The following PDE11A variants were observed in gnomAD, a reference collection of about 807,000 sequenced individuals.
PDE11A encodes phosphodiesterase 11A.
PDE11A carries 100 observed loss-of-function variants against 100.5 expected under a neutral mutation model. That is an observed-to-expected ratio of 1.00 (90% CI 0.85 to 1.18). The LOEUF is 1.18. Ranked by LOEUF, PDE11A falls within the 50% of genes most tolerant of loss-of-function variation. PDE11A has a pLI of 0.00. For missense variants in PDE11A, 1,141 were observed against 1,152.6 expected, an observed-to-expected ratio of 0.99 and a Z score of 0.15; for synonymous variants, 381 against 420.8, an observed-to-expected ratio of 0.91 and a Z score of 1.16.
At position 177,860,734 on chromosome 2, in the gene PDE11A, C is replaced by G. The variant is rs537340750; in HGVS notation, c.1367+15125G>C. Reference sequence around the variant, plus strand: ...ATCCAGCAATATTTAAAAAGGTATGCACACCATGACTGAATGGCATTTATC... The same window carrying G: ...ATCCAGCAATATTTAAAAAGGTATGGACACCATGACTGAATGGCATTTATC... On this transcript the variant is annotated intron_variant, in intron 5 of 19. Coordinates refer to ENST00000286063, the MANE Select transcript of PDE11A (RefSeq NM_016953.4). Among the ~76,000 whole-genome samples, 14 of 151,746 alleles carry G rather than the reference C, an allele frequency of 9.2e-5. No individual in the cohort carries two copies. In the East Asian group the frequency reaches 1.7e-3, roughly 19 times the overall value.
chr2:178,058,591 C>G (rs1317212451), intron 1 of PDE11A, among the ~76,000 whole-genome samples: 1 of 152,162 alleles, frequency 6.6e-6, no homozygotes, highest in Admixed American at 6.5e-5. Context: ...TCGGGTATGT[C>G]TTTATCAGCA....
intron 13 of PDE11A, among the ~76,000 whole-genome samples, chr2:177,706,794 ACT>A (rs1041412277): frequency 5.5e-4 from 83 of 152,070 alleles, no homozygotes; most frequent in African/African-American, 1.8e-3. Flanking sequence ...ATGCAAAAAA[ACT>A]CTCTGAAATC....
chr2:177,844,546 T>A (rs13430954), intron 5 of PDE11A, among the ~76,000 whole-genome samples: 7,777 of 151,616 alleles, frequency 0.051, 322 homozygotes, highest in African/African-American at 0.12. Context: ...TTAATTAATT[T>A]ATTTATTTTT....
At chr2:177,725,060 G>C (rs552571294) in intron 12 of PDE11A, among the ~76,000 whole-genome samples, 31 of 152,138 alleles carry the variant, frequency 2.0e-4, no homozygotes, top group Non-Finnish European at 1.6e-4. Flanking sequence ...TCACTGATAA[G>C]ATCAAAACAT....
At chr2:178,041,561 C>T (rs1010759866) in intron 1 of PDE11A, among the ~76,000 whole-genome samples, 3 of 152,014 alleles carry the variant, frequency 2.0e-5, no homozygotes, top group African/African-American at 4.8e-5. Context: ...TTAAGAACCA[C>T]GTGACTTCTG....
chr2:178,039,416 A>G (rs112914348), intron 1 of PDE11A, among the ~76,000 whole-genome samples: 119 of 152,304 alleles, frequency 7.8e-4, no homozygotes, highest in African/African-American at 2.6e-3. Context: ...AGCAGAAAAA[A>G]TAAATATTGG....
intron 10 of PDE11A, among the ~76,000 whole-genome samples, chr2:177,754,917 A>G (rs1442795749): frequency 6.6e-6 from 1 of 152,238 alleles, no homozygotes; most frequent in Non-Finnish European, 1.5e-5. Context: ...TTTTACTATG[A>G]GTTTCAAATA....
chr2:177,721,468 A>G (rs935392096), intron 12 of PDE11A, among the ~76,000 whole-genome samples: 1 of 152,196 alleles, frequency 6.6e-6, no homozygotes, highest in Non-Finnish European at 1.5e-5. Context: ...CTAAATAATA[A>G]GACTTGAGAA....
chr2:177,892,790 C>G (rs568996707), intron 4 of PDE11A, among the ~76,000 whole-genome samples: 2 of 152,238 alleles, frequency 1.3e-5, no homozygotes, highest in Non-Finnish European at 2.9e-5. Flanking sequence ...CACAGCCCCT[C>G]CAGGACTAGG....
intron 12 of PDE11A, among the ~76,000 whole-genome samples, chr2:177,720,831 T>C (rs1288319039): frequency 1.3e-5 from 2 of 152,176 alleles, no homozygotes; most frequent in Non-Finnish European, 2.9e-5. Flanking sequence ...GGAAAAACCT[T>C]ACAGTCTATA....
intron 14 of PDE11A, among the ~76,000 whole-genome samples, chr2:177,699,772 C>A (rs1381751752): frequency 2.0e-5 from 3 of 152,192 alleles, no homozygotes; most frequent in African/African-American, 7.2e-5. Flanking sequence ...CCACAGGGGA[C>A]TGGAGGCAGT....
rs892808939 is a variant in PDE11A at position 177,626,857 on chromosome 2, T to C, written c.*2550A>G. The C allele has an allele frequency of 6.6e-6, 1 of 151,340 alleles. No individual in the cohort carries two copies. The highest frequency in any genetic ancestry group is 6.6e-5 in the Admixed American group (1 of 15,202). The allele number at this position is 151,340 out of a possible 1,614,324, so 9.4% of individuals were successfully genotyped here. On this transcript the variant is annotated 3_prime_UTR_variant, in exon 20 of 20. Transcript: ENST00000286063. The stretch of plus-strand genomic sequence containing the variant: ...CAGGGTTCTACACCTTCATTTTTTT[T>C]GGTTGGAAGTGCCATTTTTCTTTGT...
intron 10 of PDE11A, among the ~76,000 whole-genome samples, chr2:177,747,109 T>C (rs1302771712): frequency 6.6e-6 from 1 of 152,136 alleles, no homozygotes; most frequent in African/African-American, 2.4e-5. Flanking sequence ...AGCTTTATTG[T>C]GGTGGTGCAA....
chr2:177,837,213 G>T (rs1237724096), intron 6 of PDE11A, among the ~76,000 whole-genome samples: 1 of 152,146 alleles, frequency 6.6e-6, no homozygotes, highest in Non-Finnish European at 1.5e-5. Context: ...AGCCAATCTG[G>T]TATGCTTTGC....
chr2:177,791,476 A>G (rs1276518729), intron 9 of PDE11A, among the ~76,000 whole-genome samples: 1 of 151,196 alleles, frequency 6.6e-6, no homozygotes, highest in African/African-American at 2.4e-5. Context: ...AGCATGGCAC[A>G]TGTATACATA....
At chr2:177,815,701 T>C (rs1176298683) in intron 9 of PDE11A, among the ~76,000 whole-genome samples, 1 of 152,200 alleles carries the variant, frequency 6.6e-6, no homozygotes, top group Admixed American at 6.5e-5. Flanking sequence ...AGCACATAGA[T>C]AGATAACTAT....
At position 177,637,512 on chromosome 2, in the gene PDE11A, G is replaced by A. The variant is rs555102259; in HGVS notation, c.2647-7950C>T. Among the ~76,000 whole-genome samples, 4 of 152,010 alleles carry A rather than the reference G, an allele frequency of 2.6e-5. No homozygotes were observed. The East Asian group carries it at 7.8e-4, about 30-fold the overall frequency. ...CTTCAAAGATCCTGTTCTGGATTGT[G>A]TTTTTGTCTCTTTGTACTTGTCTTT... On this transcript the variant is annotated intron_variant, in intron 19 of 19. Coordinates refer to ENST00000286063, the MANE Select transcript of PDE11A (RefSeq NM_016953.4).
intron 1 of PDE11A, among the ~76,000 whole-genome samples, chr2:178,033,759 C>CA (rs1189690934): frequency 6.9e-6 from 1 of 144,390 alleles, no homozygotes; most frequent in Non-Finnish European, 1.5e-5. Flanking sequence ...CATTCTTAAA[C>CA]AAAAAAAAGT....
intron 4 of PDE11A, among the ~76,000 whole-genome samples, chr2:177,883,068 AGACCAGCAT>A (rs2084369971): frequency 6.6e-6 from 1 of 152,120 alleles, no homozygotes; most frequent in Admixed American, 6.5e-5. Flanking sequence ...CAGGAGTTCG[AGACCAGCAT>A]GACCAACATG....
Sources: allele counts gnomAD v4.1 joint callset (sites outside exome capture counted in the v4.1 genomes callset), GRCh38; gene constraint gnomAD v4.1.1; transcripts MANE v1.5; gene names NCBI Gene and HGNC (gene_info 2026-07-23, HGNC 2026-07-21).